The following ARFGEF3 variants were observed in gnomAD, a reference collection of about 807,000 sequenced individuals.
The protein encoded by ARFGEF3 is ARFGEF family member 3.
In ARFGEF3, 96 loss-of-function variants were observed where a neutral mutation model predicts 221.7. The observed-to-expected ratio is 0.43, with a 90% CI of 0.37 to 0.51. The LOEUF is 0.51. Among genes scored for constraint, ARFGEF3 ranks in the 20% least tolerant of loss-of-function variants. The pLI is 0.00. For missense variants in ARFGEF3, 2,410 were observed against 2,789.9 expected (o/e 0.86, Z 3.07); for synonymous variants, 1,145 against 1,126.8 (o/e 1.02, Z -0.32).
At chr6:138,177,099 AT>A (rs76738635) in intron 2 of ARFGEF3, among the ~76,000 whole-genome samples, 20,823 of 125,170 alleles carry the variant, frequency 0.17, 2,250 homozygotes, top group East Asian at 0.32. Flanking sequence ...ATTTATTTAT[AT>A]TTTTTTTGAG....
intron 12 of ARFGEF3, among the ~76,000 whole-genome samples, chr6:138,266,568 G>A (rs992329079): frequency 1.3e-5 from 2 of 151,898 alleles, no homozygotes; most frequent in African/African-American, 4.8e-5. Flanking sequence ...GCCATAGTTC[G>A]GCTGGGTGCG....
At chr6:138,168,333 A>G (rs1295792912) in intron 1 of ARFGEF3, among the ~76,000 whole-genome samples, 2 of 152,242 alleles carry the variant, frequency 1.3e-5, no homozygotes, top group Non-Finnish European at 2.9e-5. Context: ...ATTCACGGAA[A>G]ACCTTACTAA....
Position 138,339,453 on chromosome 6 carries a change from C to T in ARFGEF3, c.*2967C>T, listed in dbSNP as rs189856861. The T allele has an allele frequency of 6.6e-6, 1 of 152,202 alleles. No homozygotes were observed. The highest frequency in any genetic ancestry group is 6.5e-5 in the Admixed American group (1 of 15,286). 9.4% of individuals were successfully genotyped at this position (152,202 alleles called of 1,614,324 possible). A position where few individuals can be genotyped will look rare whatever the true frequency, so the allele number is the denominator to read the frequency against. Reference sequence around the variant, plus strand: ...TTTTAAAGTTACGAACAGTTATTAGCATGTATTTACAGACCTAAGCAGAAT... The same window carrying T: ...TTTTAAAGTTACGAACAGTTATTAGTATGTATTTACAGACCTAAGCAGAAT... On this transcript the variant is annotated 3_prime_UTR_variant, in exon 34 of 34. Transcript: ENST00000251691.
At chr6:138,286,571 T>G in intron 15 of ARFGEF3, 130 bp from the exon 16 acceptor site, 1 of 700,282 alleles carries the variant, frequency 1.4e-6, no homozygotes, top group Non-Finnish European at 2.5e-6. Context: ...ATATAATCCA[T>G]TGTTATATTT....
chr6:138,331,083 T>G (rs1000268469), intron 32 of ARFGEF3, among the ~76,000 whole-genome samples: 1 of 152,150 alleles, frequency 6.6e-6, no homozygotes, highest in Non-Finnish European at 1.5e-5. Flanking sequence ...GATTTAAAAG[T>G]AGGAAAAAGG....
At chr6:138,292,590 T>C (rs538925213) in intron 19 of ARFGEF3, among the ~76,000 whole-genome samples, 1 of 152,332 alleles carries the variant, frequency 6.6e-6, no homozygotes, top group South Asian at 2.1e-4. Context: ...GAAAGTGCTT[T>C]TGGTCACCAA....
At chr6:138,187,800 A>G (rs978990836) in intron 2 of ARFGEF3, among the ~76,000 whole-genome samples, 1 of 152,134 alleles carries the variant, frequency 6.6e-6, no homozygotes, top group South Asian at 2.1e-4. Flanking sequence ...CTCAGCATCC[A>G]CCTGATGTGA....
chr6:138,183,639 T>C (rs1013801866), intron 2 of ARFGEF3, among the ~76,000 whole-genome samples: 1 of 152,130 alleles, frequency 6.6e-6, no homozygotes, highest in Non-Finnish European at 1.5e-5. Context: ...GGAAATGCAA[T>C]GAGGAACAGG....
chr6:138,239,022 TAACTA>T (rs1778345159), intron 6 of ARFGEF3, among the ~76,000 whole-genome samples: 1 of 152,294 alleles, frequency 6.6e-6, no homozygotes, highest in Non-Finnish European at 1.5e-5. Context: ...TTCCCTTTGT[TAACTA>T]AAAGATGGTG....
intron 22 of ARFGEF3, among the ~76,000 whole-genome samples, chr6:138,303,007 T>G (rs1199622312): frequency 6.6e-6 from 1 of 152,206 alleles, no homozygotes; most frequent in Non-Finnish European, 1.5e-5. Context: ...TCCTAATTTA[T>G]TTCAAAAACC....
In ARFGEF3 at chr6:138,291,525, G is replaced by C. The variant is rs552370386; in HGVS notation, c.3048-208G>C. Among the ~76,000 whole-genome samples the C allele has an allele frequency of 6.6e-6, 1 of 152,264 alleles. No individual in the cohort carries two copies. Among genetic ancestry groups the C allele is most frequent in the African/African-American group, 2.4e-5 (1 of 41,546 alleles). ...CCAAATAATCCTTTACCCATTTCAA[G>C]GCTGTCTGGTCCAACTCAAATACTA... is the stretch of plus-strand genomic sequence containing the variant. On this transcript the variant is annotated intron_variant, in intron 18 of 33. Coordinates refer to ENST00000251691, the MANE Select transcript of ARFGEF3 (RefSeq NM_020340.5). This position sits in a 1 kb window ranked among gnomAD's most constrained non-coding sequence, Gnocchi z 4.5.
At chr6:138,212,820 G>A (rs1439972299) in intron 4 of ARFGEF3, among the ~76,000 whole-genome samples, 1 of 152,104 alleles carries the variant, frequency 6.6e-6, no homozygotes, top group Non-Finnish European at 1.5e-5. Flanking sequence ...GGTGGGAATT[G>A]AACAATGAGA....
At chr6:138,189,732 A>G (rs1177165620) in intron 2 of ARFGEF3, among the ~76,000 whole-genome samples, 1 of 152,200 alleles carries the variant, frequency 6.6e-6, no homozygotes, top group Non-Finnish European at 1.5e-5. Context: ...TTGGTCAAAA[A>G]TTAACATGAA....
intron 12 of ARFGEF3, among the ~76,000 whole-genome samples, chr6:138,277,075 T>C (rs1488899652): frequency 6.6e-6 from 1 of 152,250 alleles, no homozygotes; most frequent in African/African-American, 2.4e-5. Context: ...GTGGTACTAA[T>C]TGTATTCACA....
intron 22 of ARFGEF3, among the ~76,000 whole-genome samples, chr6:138,303,530 C>T (rs1294219180): frequency 6.6e-6 from 1 of 152,078 alleles, no homozygotes; most frequent in Non-Finnish European, 1.5e-5. Context: ...AGCGGCCAGG[C>T]ACAGTGGCTC....
At chr6:138,327,206 CAT>C (rs931291591) in intron 31 of ARFGEF3, among the ~76,000 whole-genome samples, 3 of 152,164 alleles carry the variant, frequency 2.0e-5, no homozygotes, top group African/African-American at 4.8e-5. Flanking sequence ...CACCATGACA[CAT>C]GTTTACCTAT....
intron 2 of ARFGEF3, among the ~76,000 whole-genome samples, chr6:138,187,555 A>C (rs1777212489): frequency 1.3e-5 from 2 of 152,196 alleles, no homozygotes; most frequent in South Asian, 4.1e-4. Flanking sequence ...AGCCTGCATA[A>C]GAATATTGGG....
Position 138,261,608 on chromosome 6 carries a change from A to C in ARFGEF3, c.1186A>C (p.Lys396Gln). 1 of 1,568,544 alleles carries C rather than the reference A, an allele frequency of 6.4e-7. No homozygotes were observed. The highest frequency in any genetic ancestry group is 8.7e-7 in the Non-Finnish European group (1 of 1,155,146). ...ESESRKRSIS[K>Q]RKSHLDLLKL... Reference sequence around the variant, plus strand: ...AGAGTCCAGAAAAAGATCAATTTCAAAAAGAAAGTCTCATCTGGATCTCCT... The same window carrying C: ...AGAGTCCAGAAAAAGATCAATTTCACAAAGAAAGTCTCATCTGGATCTCCT... The change falls in exon 11 of 34, where the codon AAA becomes CAA. Residue 396 changes from lysine (K) to glutamine (Q), a missense_variant. By Grantham distance (53) the Lys-to-Gln change is moderately conservative (BLOSUM62 1). Coordinates refer to ENST00000251691, the MANE Select transcript of ARFGEF3 (RefSeq NM_020340.5).
intron 12 of ARFGEF3, among the ~76,000 whole-genome samples, chr6:138,275,697 TCG>T (rs1779083602): frequency 1.3e-5 from 2 of 148,664 alleles, no homozygotes; most frequent in African/African-American, 5.0e-5. Flanking sequence ...TGAGCCAAGA[TCG>T]CACCACTGCA....
Sources: allele counts gnomAD v4.1 joint callset (sites outside exome capture counted in the v4.1 genomes callset), GRCh38; gene constraint gnomAD v4.1.1; non-coding constraint Gnocchi (gnomAD v3.1); transcripts MANE v1.5; gene names NCBI Gene and HGNC (gene_info 2026-07-23, HGNC 2026-07-21).